The following BRINP3 variants were observed in gnomAD, a reference collection of about 807,000 sequenced individuals.
BRINP3 encodes the protein BMP/retinoic acid inducible neural specific 3, also known as BMP/retinoic acid-inducible neural-specific protein 3.
Under a neutral mutation model 71.0 loss-of-function variants are expected in BRINP3, and 19 were observed. The ratio of observed to expected loss-of-function variants is 0.27; its 90% CI spans 0.19 to 0.39. BRINP3 has a LOEUF of 0.39. BRINP3 is among the 10% of genes least tolerant of loss of function. The probability of loss-of-function intolerance (pLI) is 1.00; values close to 1 mark genes in which losing one functional copy is unlikely to be tolerated. For synonymous variants in BRINP3, 380 were observed against 337.7 expected (o/e 1.13, Z -1.37); for missense variants, 959 against 940.8 (o/e 1.02, Z -0.25).
At chr1:190,413,712 C>T (rs1672833635) in intron 2 of BRINP3, among the ~76,000 whole-genome samples, 1 of 152,002 alleles carries the variant, frequency 6.6e-6, no homozygotes, top group Non-Finnish European at 1.5e-5. Flanking sequence ...ATGTGGCCTT[C>T]GGTACTGTGA....
At chr1:190,380,838 C>T (rs1336345581) in intron 2 of BRINP3, among the ~76,000 whole-genome samples, 2 of 151,972 alleles carry the variant, frequency 1.3e-5, no homozygotes, top group Non-Finnish European at 2.9e-5. Context: ...TTCGAGCTTA[C>T]AAAATTAGCA....
chr1:190,229,923 A>G (rs1458699475), intron 5 of BRINP3, among the ~76,000 whole-genome samples: 1 of 152,026 alleles, frequency 6.6e-6, no homozygotes, highest in East Asian at 1.9e-4. Flanking sequence ...ATTAATTTCA[A>G]TCACATGATC....
At chr1:190,377,173 T>C (rs369009821) in intron 2 of BRINP3, among the ~76,000 whole-genome samples, 5 of 152,156 alleles carry the variant, frequency 3.3e-5, no homozygotes, top group African/African-American at 1.2e-4. Flanking sequence ...ACCACCCCTG[T>C]ACATGCTAGA....
rs376683119 is a variant in BRINP3, at chr1:190,389,156, A to C, written c.236+65499T>G. On this transcript the variant is annotated intron_variant, in intron 2 of 7. Coordinates refer to ENST00000367462, the MANE Select transcript of BRINP3 (RefSeq NM_199051.3). ...AAAAATATTAAACACATATAATAAA[A>C]ATGTTAGTACTAGAATAAATATTGC... Among the ~76,000 whole-genome samples the C allele has an allele frequency of 1.5e-4, 23 of 151,900 alleles. No individual in the cohort carries two copies. The East Asian group carries it at 2.7e-3, about 18-fold the overall frequency.
rs574475053 is a variant in BRINP3, at chr1:190,434,513, C to A, written c.236+20142G>T. On this transcript the variant is annotated intron_variant, in intron 2 of 7. Coordinates refer to ENST00000367462, the MANE Select transcript of BRINP3 (RefSeq NM_199051.3). ...TACTTTCTCAGGACTTATTGAGGAT[C>A]CCAAAGAGCTTCTGTCTATTTAGGT... is the stretch of plus-strand genomic sequence containing the variant. Among the ~76,000 whole-genome samples, 558 of 151,932 alleles carry A rather than the reference C, an allele frequency of 3.7e-3. 4 individuals carry two copies. The highest frequency in any genetic ancestry group is 0.013 in the African/African-American group (535 of 41,442).
chr1:190,359,931 T>C (rs1367947044), intron 2 of BRINP3, among the ~76,000 whole-genome samples: 3 of 152,100 alleles, frequency 2.0e-5, no homozygotes, highest in Non-Finnish European at 4.4e-5. Flanking sequence ...CCTCCTAATA[T>C]ATGTGTGCGG....
At chr1:190,113,015 T>C (rs905059224) in intron 7 of BRINP3, among the ~76,000 whole-genome samples, 1 of 152,150 alleles carries the variant, frequency 6.6e-6, no homozygotes, top group Non-Finnish European at 1.5e-5. Context: ...ATGTATAGTA[T>C]GGATGGTGAA....
chr1:190,453,232 T>TTTTTTTG (rs1675758111), intron 2 of BRINP3, among the ~76,000 whole-genome samples: 1 of 103,902 alleles, frequency 9.6e-6, no homozygotes, highest in Non-Finnish European at 2.0e-5. Context: ...TTTTTTTTTT[T>TTTTTTTG]TTTTTTGAGA....
chr1:190,321,417 G>A (rs1666229978), intron 2 of BRINP3, among the ~76,000 whole-genome samples: 1 of 151,806 alleles, frequency 6.6e-6, no homozygotes, highest in Non-Finnish European at 1.5e-5. Flanking sequence ...GGAAGCAAAG[G>A]GAGAAATATT....
chr1:190,179,527 ACACT>A (rs1652845450), intron 6 of BRINP3, among the ~76,000 whole-genome samples: 5 of 152,104 alleles, frequency 3.3e-5, no homozygotes, highest in Non-Finnish European at 7.4e-5. Context: ...CATTTTTTCT[ACACT>A]GTTTTGTCAA....
intron 6 of BRINP3, among the ~76,000 whole-genome samples, chr1:190,224,380 G>A (rs1383945414): frequency 6.6e-6 from 1 of 151,564 alleles, no homozygotes; most frequent in African/African-American, 2.4e-5. Flanking sequence ...CACATACGTT[G>A]GGGAAAAGAA....
intron 2 of BRINP3, among the ~76,000 whole-genome samples, chr1:190,430,333 A>G (rs1174746988): frequency 6.6e-6 from 1 of 152,194 alleles, no homozygotes; most frequent in Non-Finnish European, 1.5e-5. Context: ...AATTGCTAAT[A>G]CTGCTTACAG....
chr1:190,195,404 G>A (rs747651520), intron 6 of BRINP3, among the ~76,000 whole-genome samples: 1 of 151,828 alleles, frequency 6.6e-6, no homozygotes, highest in Non-Finnish European at 1.5e-5. Flanking sequence ...AAATCTGAAG[G>A]CACTCCCTTG....
intron 6 of BRINP3, among the ~76,000 whole-genome samples, chr1:190,225,577 T>C (rs1316157139): frequency 2.0e-5 from 3 of 152,054 alleles, no homozygotes; most frequent in East Asian, 1.9e-4. Flanking sequence ...AAATTTTATA[T>C]GTATGTTTTA....
intron 1 of BRINP3, among the ~76,000 whole-genome samples, chr1:190,462,937 GTGTT>G (rs1240353102): frequency 2.6e-5 from 4 of 151,916 alleles, no homozygotes; most frequent in Non-Finnish European, 5.9e-5. Flanking sequence ...TTTTCATTGA[GTGTT>G]TGCTTTGTAT....
At chr1:190,213,926 ATGACG>A in intron 6 of BRINP3, among the ~76,000 whole-genome samples, 1 of 152,184 alleles carries the variant, frequency 6.6e-6, no homozygotes, top group South Asian at 2.1e-4. Flanking sequence ...AAAATTTAAA[ATGACG>A]TGTGAGTCCC....
At chr1:190,363,062 ACCAGGGAATCCCTTGGGAAAAATCTGGG>A (rs953621473) in intron 2 of BRINP3, among the ~76,000 whole-genome samples, 3 of 152,144 alleles carry the variant, frequency 2.0e-5, no homozygotes, top group Non-Finnish European at 4.4e-5. Context: ...ACCCAACCTA[ACCAGGGAATCCCTTGGGAAAAATCTGGG>A]CCCTGCCTAA....
chr1:190,338,463 T>A (rs1336958241), intron 2 of BRINP3, among the ~76,000 whole-genome samples: 1 of 152,072 alleles, frequency 6.6e-6, no homozygotes, highest in African/African-American at 2.4e-5. Context: ...CAACTCCTAT[T>A]GTCCAGAGGA....
intron 2 of BRINP3, among the ~76,000 whole-genome samples, chr1:190,402,137 C>T (rs1671968217): frequency 6.6e-6 from 1 of 151,904 alleles, no homozygotes; most frequent in South Asian, 2.1e-4. Context: ...CCACAGAAAA[C>T]ATTGATAAAA....
Sources: allele counts gnomAD v4.1 joint callset (sites outside exome capture counted in the v4.1 genomes callset), GRCh38; gene constraint gnomAD v4.1.1; transcripts MANE v1.5; gene names NCBI Gene and HGNC (gene_info 2026-07-23, HGNC 2026-07-21).